The following CPEB3 variants were observed in gnomAD, a reference collection of about 807,000 sequenced individuals.
The protein encoded by CPEB3 is cytoplasmic polyadenylation element-binding protein 3.
In CPEB3, 20 loss-of-function variants were observed where a neutral mutation model predicts 67.2. That is an observed-to-expected ratio of 0.30 (90% confidence interval 0.21 to 0.43). The LOEUF is 0.43. Among genes scored for constraint, CPEB3 ranks in the 20% least tolerant of loss-of-function variants. The pLI, the probability that CPEB3 is intolerant of heterozygous loss-of-function variation, is 1.00. For missense variants in CPEB3, 746 were observed against 968.6 expected, an observed-to-expected ratio of 0.77 and a Z score of 3.05; for synonymous variants, 376 against 393.1, an observed-to-expected ratio of 0.96 and a Z score of 0.51.
At chr10:92,229,870 C>T (rs1262188562) in intron 2 of CPEB3, among the ~76,000 whole-genome samples, 7 of 152,166 alleles carry the variant, frequency 4.6e-5, no homozygotes, top group Non-Finnish European at 1.0e-4. Flanking sequence ...CATGGAGAAA[C>T]CCCATCTCTA....
intron 2 of CPEB3, among the ~76,000 whole-genome samples, chr10:92,214,904 G>GT (rs1850273907): frequency 6.6e-6 from 1 of 151,992 alleles, no homozygotes; most frequent in Non-Finnish European, 1.5e-5. Flanking sequence ...CTGGAGTGCA[G>GT]TGGTGCAATC....
intron 6 of CPEB3, among the ~76,000 whole-genome samples, chr10:92,128,490 T>A (rs1378148176): frequency 6.6e-6 from 1 of 152,096 alleles, no homozygotes; most frequent in Non-Finnish European, 1.5e-5. Context: ...TTTAAAAATA[T>A]GAAAATTGGT....
intron 2 of CPEB3, among the ~76,000 whole-genome samples, chr10:92,203,049 C>A (rs945001016): frequency 6.6e-6 from 1 of 151,140 alleles, no homozygotes; most frequent in Admixed American, 6.6e-5. Flanking sequence ...TCAAGCAATT[C>A]TCCTGCCTCA....
intron 3 of CPEB3, among the ~76,000 whole-genome samples, chr10:92,190,665 C>CA (rs780757034): frequency 0.011 from 857 of 78,360 alleles, 90 homozygotes; most frequent in Non-Finnish European, 0.016. Flanking sequence ...AACTCCATCT[C>CA]AAAAAAAAAA....
chr10:92,255,055 T>G (rs1852463199), intron 1 of CPEB3, among the ~76,000 whole-genome samples: 1 of 151,948 alleles, frequency 6.6e-6, no homozygotes, highest in South Asian at 2.1e-4. Context: ...TAGGTAGTAA[T>G]GTCTCCAATT....
At position 92,106,227 on chromosome 10, in the gene CPEB3, C is replaced by CTT. The variant is rs77616371; in HGVS notation, c.1572+4847_1572+4848dup. 7.2e-4 allele frequency among the ~76,000 whole-genome samples: 99 copies of CTT among 137,876 alleles called. 2 individuals carry two copies. The highest frequency in any genetic ancestry group is 1.4e-3 in the African/African-American group (54 of 37,474). The allele number at this position is 137,876 out of a possible 152,430, so 90.5% of individuals were successfully genotyped here. On this transcript the variant is annotated intron_variant, in intron 7 of 9. Transcript: ENST00000265997. ...TTTATCTATGCATTATACTATTAAC[C>CTT]TTTTTTTTTTTTTTTGGCTATTCCC...
chr10:92,064,995 T>C (rs538887032), intron 9 of CPEB3, among the ~76,000 whole-genome samples: 13 of 152,310 alleles, frequency 8.5e-5, no homozygotes, highest in East Asian at 7.7e-4. Context: ...AAAGTAGTTA[T>C]CAATGATAAA....
chr10:92,173,051 T>C (rs1848076200), intron 4 of CPEB3, among the ~76,000 whole-genome samples: 1 of 152,180 alleles, frequency 6.6e-6, no homozygotes, highest in Non-Finnish European at 1.5e-5. Flanking sequence ...TGATCACCCA[T>C]ATTGAGTGCG....
At chr10:92,161,851 T>TG (rs1180273752) in intron 4 of CPEB3, among the ~76,000 whole-genome samples, 1 of 150,924 alleles carries the variant, frequency 6.6e-6, no homozygotes, top group Non-Finnish European at 1.5e-5. Flanking sequence ...TCAATAGAGA[T>TG]GGGGTTTCAT....
chr10:92,110,101 C>G (rs7069149), intron 7 of CPEB3, among the ~76,000 whole-genome samples: 59,940 of 152,050 alleles, frequency 0.39, 12,691 homozygotes, highest in African/African-American at 0.55. Context: ...TATTCAAAGC[C>G]AAGCAGATAT....
Position 92,218,322 on chromosome 10 carries a change from G to A in CPEB3, c.1005+21024C>T, listed in dbSNP as rs143529074. On this transcript the variant is annotated intron_variant, in intron 2 of 9. Transcript: ENST00000265997. ...CTTGGGAAGCTAAGGCAGGAGAATC[G>A]CCTGAACCTGGGAGGTGGAGGTCGC... 1.8e-3 allele frequency among the ~76,000 whole-genome samples: 270 copies of A among 152,176 alleles called. 1 individual carries two copies. Among genetic ancestry groups the A allele is most frequent in the Admixed American group, 2.9e-3 (45 of 15,276 alleles).
chr10:92,060,938 C>G (rs1340240537), intron 9 of CPEB3, among the ~76,000 whole-genome samples: 1 of 152,138 alleles, frequency 6.6e-6, no homozygotes, highest in Non-Finnish European at 1.5e-5. Context: ...GTACAACCAC[C>G]ACGGAGAACA....
Position 92,216,567 on chromosome 10 carries a change from T to C in CPEB3, c.1005+22779A>G, listed in dbSNP as rs527648431. On this transcript the variant is annotated intron_variant, in intron 2 of 9. Coordinates refer to ENST00000265997, the MANE Select transcript of CPEB3 (RefSeq NM_014912.5). Reference sequence around the variant, plus strand: ...GTCAACAAAGGAGAAAAAGGGATCATGGTTTTGGCAGGAGACACACTGCCC... The same window carrying C: ...GTCAACAAAGGAGAAAAAGGGATCACGGTTTTGGCAGGAGACACACTGCCC... 3.3e-5 allele frequency: 53 copies of C among 1,612,182 alleles called. 1 individual carries two copies. In the African/African-American group the frequency reaches 4.9e-4, roughly 15 times the overall value.
At chr10:92,058,598 T>TATAC (rs1842211033) in intron 9 of CPEB3, among the ~76,000 whole-genome samples, 2 of 149,762 alleles carry the variant, frequency 1.3e-5, no homozygotes, top group Admixed American at 1.3e-4. Context: ...CATACATATA[T>TATAC]ATATATATAT....
At chr10:92,180,295 T>C (rs1848405981) in intron 4 of CPEB3, among the ~76,000 whole-genome samples, 1 of 152,210 alleles carries the variant, frequency 6.6e-6, no homozygotes. Context: ...GCAAATTCCA[T>C]TAATGGGAGA....
chr10:92,210,051 T>G (rs1590395514), intron 2 of CPEB3, among the ~76,000 whole-genome samples: 1 of 152,042 alleles, frequency 6.6e-6, no homozygotes, highest in East Asian at 1.9e-4. Flanking sequence ...GAACTCACTA[T>G]TTATATAATT....
At chr10:92,090,119 G>C (rs1843552022) in intron 8 of CPEB3, among the ~76,000 whole-genome samples, 1 of 152,190 alleles carries the variant, frequency 6.6e-6, no homozygotes, top group Admixed American at 6.5e-5. Context: ...GTATAAACTT[G>C]TATGTCTGTG....
intron 6 of CPEB3, among the ~76,000 whole-genome samples, chr10:92,120,109 A>G: frequency 6.9e-6 from 1 of 145,806 alleles, no homozygotes; most frequent in Non-Finnish European, 1.5e-5. Context: ...AAAAAAAAAA[A>G]AAAAAAAACC....
intron 7 of CPEB3, among the ~76,000 whole-genome samples, chr10:92,102,126 GCTAT>G (rs143871687): frequency 0.013 from 2,009 of 152,284 alleles, 45 homozygotes; most frequent in African/African-American, 0.045. Context: ...GAGTTTAGAT[GCTAT>G]CTATTATTCT....
Sources: gnomAD v4.1 joint callset for allele counts (sites outside exome capture counted in the v4.1 genomes callset) on GRCh38, gnomAD v4.1.1 for gene constraint, MANE v1.5 for transcripts, NCBI Gene and HGNC (gene_info 2026-07-23, HGNC 2026-07-21) for gene names.